KAZN: variants seen among roughly 807,000 people sequenced by gnomAD.
KAZN encodes kazrin.
In KAZN, 40 loss-of-function variants were observed where a neutral mutation model predicts 87.4. The observed-to-expected ratio is 0.46, with a 90% CI of 0.36 to 0.60. The LOEUF (loss-of-function observed/expected upper bound fraction) is 0.60, where lower values mean the gene tolerates loss of function less well. KAZN is among the 20% of genes least tolerant of loss of function. The pLI, the probability that KAZN is intolerant of heterozygous loss-of-function variation, is 0.00. For missense variants in KAZN, 898 were observed against 1,073.9 expected (o/e 0.84, Z 2.29); for synonymous variants, 466 against 458.3 (o/e 1.02, Z -0.22).
At chr1:14,084,144 G>C (rs1459103490) in intron 1 of KAZN, among the ~76,000 whole-genome samples, 1 of 152,230 alleles carries the variant, frequency 6.6e-6, no homozygotes, top group African/African-American at 2.4e-5. Flanking sequence ...CAGGGATAGT[G>C]TGGTCAGATG....
At chr1:14,896,041 C>CTTTTTTTTTTTTTTTTTTT (rs201188620) in intron 1 of KAZN, among the ~76,000 whole-genome samples, 3 of 140,718 alleles carry the variant, frequency 2.1e-5, no homozygotes, top group African/African-American at 8.3e-5. Flanking sequence ...AAAAAGACGC[C>CTTTTTTTTTTTTTTTTTTT]TTTTTTTTTT....
At chr1:14,736,034 G>A (rs1336894886) in intron 1 of KAZN, among the ~76,000 whole-genome samples, 2 of 152,110 alleles carry the variant, frequency 1.3e-5, no homozygotes, top group East Asian at 1.9e-4. Flanking sequence ...ACAGGCCGTC[G>A]GTCCACCTGC....
intron 2 of KAZN, among the ~76,000 whole-genome samples, chr1:14,202,468 G>T (rs1646659194): frequency 6.6e-6 from 1 of 152,152 alleles, no homozygotes; most frequent in African/African-American, 2.4e-5. Context: ...ATTGGAGGAG[G>T]GCTCTGTGAT....
At chr1:14,548,034 C>T (rs1195357855) in intron 2 of KAZN, among the ~76,000 whole-genome samples, 2 of 117,536 alleles carry the variant, frequency 1.7e-5, no homozygotes, top group Non-Finnish European at 3.7e-5. Context: ...AGGTGATGAG[C>T]TAAAAAAAAA....
chr1:13,980,844 T>C (rs1385701710), intron 1 of KAZN, among the ~76,000 whole-genome samples: 1 of 151,844 alleles, frequency 6.6e-6, no homozygotes, highest in Non-Finnish European at 1.5e-5. Flanking sequence ...TGATTGGCGG[T>C]TGGAGTAGCT....
At chr1:14,898,133 C>A (rs1029315651) in intron 1 of KAZN, among the ~76,000 whole-genome samples, 2 of 152,180 alleles carry the variant, frequency 1.3e-5, no homozygotes, top group African/African-American at 4.8e-5. Flanking sequence ...AAGCGAGAAT[C>A]CATTATCCAG....
At chr1:14,274,006 G>T (rs1441288497) in intron 2 of KAZN, among the ~76,000 whole-genome samples, 1 of 152,150 alleles carries the variant, frequency 6.6e-6, no homozygotes. Flanking sequence ...CATCTGGGAG[G>T]GCTGGAGGTT....
chr1:14,978,648 G>A (rs868324924), intron 2 of KAZN, among the ~76,000 whole-genome samples: 10 of 152,146 alleles, frequency 6.6e-5, no homozygotes, highest in African/African-American at 1.9e-4. Context: ...GGGCAGTTTC[G>A]TGTTGGTCAC....
chr1:14,114,097 G>A (rs1036114408), intron 1 of KAZN, among the ~76,000 whole-genome samples: 2 of 152,244 alleles, frequency 1.3e-5, no homozygotes, highest in African/African-American at 2.4e-5. Context: ...GGTGCAGTCA[G>A]CCTTTTAGAA....
chr1:14,801,598 C>T lies in KAZN; in HGVS notation c.227-159086C>T, dbSNP rs147447309. ...CTGGGCTTCCTCAGGAGGGCTATGA[C>T]GGCCTGGCCTGCTCCGACACAGACT... On this transcript the variant is annotated intron_variant, in intron 1 of 14. Coordinates refer to ENST00000376030, the MANE Select transcript of KAZN (RefSeq NM_201628.3). Among the ~76,000 whole-genome samples the T allele has an allele frequency of 1.6e-3, 247 of 152,258 alleles. 1 individual carries two copies. The highest frequency in any genetic ancestry group is 5.2e-3 in the African/African-American group (216 of 41,546).
chr1:15,058,588 T>A (rs1638505230), intron 5 of KAZN, among the ~76,000 whole-genome samples: 1 of 152,212 alleles, frequency 6.6e-6, no homozygotes, highest in South Asian at 2.1e-4. Context: ...GGACCTTCCA[T>A]TCAACCACTA....
intron 1 of KAZN, among the ~76,000 whole-genome samples, chr1:14,136,890 A>C (rs536407737): frequency 6.6e-6 from 1 of 152,132 alleles, no homozygotes; most frequent in Non-Finnish European, 1.5e-5. Context: ...AGGAGAGGTC[A>C]TCAAGCTTTC....
chr1:15,111,100 T>C (rs922360189), intron 13 of KAZN, among the ~76,000 whole-genome samples: 1 of 152,220 alleles, frequency 6.6e-6, no homozygotes, highest in South Asian at 2.1e-4. Flanking sequence ...CTCCCTGTTA[T>C]GTGGAAGCCT....
chr1:14,925,175 T>TA (rs1482688688), intron 1 of KAZN, among the ~76,000 whole-genome samples: 1 of 152,210 alleles, frequency 6.6e-6, no homozygotes, highest in East Asian at 1.9e-4. Flanking sequence ...GTTTTACTGT[T>TA]AAAGTGTTCC....
chr1:14,996,260 G>A lies in KAZN; in HGVS notation c.418+35385G>A, dbSNP rs1352600516. Among the ~76,000 whole-genome samples the A allele has an allele frequency of 2.6e-5, 4 of 152,006 alleles. No individual in the cohort carries two copies. Among genetic ancestry groups the A allele is most frequent in the Non-Finnish European group, 4.4e-5 (3 of 68,018 alleles). The stretch of plus-strand genomic sequence containing the variant: ...GTCGGCCTTTCTCTTTCTTGTTCCC[G>A]TGTGTCTCTGTCCACCCAGACCAGC... On this transcript the variant is annotated intron_variant, in intron 2 of 14. Transcript: ENST00000376030. The surrounding 1 kb of genome is among the most constrained non-coding windows in gnomAD (Gnocchi z 5.9).
intron 1 of KAZN, among the ~76,000 whole-genome samples, chr1:14,888,985 T>TC (rs1174499970): frequency 2.6e-5 from 4 of 152,338 alleles, no homozygotes; most frequent in Non-Finnish European, 5.9e-5. Context: ...ACATAAAATA[T>TC]ACTAACAATA....
At chr1:14,902,260 C>T (rs925834606) in intron 1 of KAZN, among the ~76,000 whole-genome samples, 6 of 150,828 alleles carry the variant, frequency 4.0e-5, no homozygotes, top group South Asian at 2.1e-4. Flanking sequence ...GAGTCTCGCT[C>T]TGTCACCCAG....
rs1640791543 is a variant in KAZN, at chr1:15,096,017, C to T, written c.1547+1084C>T. Among the ~76,000 whole-genome samples the T allele has an allele frequency of 6.6e-6, 1 of 152,118 alleles. No homozygotes were observed. Among genetic ancestry groups the T allele is most frequent in the Non-Finnish European group, 1.5e-5 (1 of 68,022 alleles). On this transcript the variant is annotated intron_variant, in intron 10 of 14. Coordinates refer to ENST00000376030, the MANE Select transcript of KAZN (RefSeq NM_201628.3). The surrounding 1 kb of genome is among the most constrained non-coding windows in gnomAD (Gnocchi z 4.5). Reference sequence around the variant, plus strand: ...CTGGGCTGAGGGATGGGGAGGAGGGCCATGAGGGCAACCCCTGCTGGGCTT... The same window carrying T: ...CTGGGCTGAGGGATGGGGAGGAGGGTCATGAGGGCAACCCCTGCTGGGCTT...
intron 2 of KAZN, among the ~76,000 whole-genome samples, chr1:14,220,836 T>A (rs1647080191): frequency 6.6e-6 from 1 of 152,212 alleles, no homozygotes; most frequent in South Asian, 2.1e-4. Context: ...GTCAGGTTAT[T>A]TTTTTCTGCT....
Sources: allele counts gnomAD v4.1 joint callset (sites outside exome capture counted in the v4.1 genomes callset), GRCh38; gene constraint gnomAD v4.1.1; non-coding constraint Gnocchi (gnomAD v3.1); transcripts MANE v1.5; gene names NCBI Gene and HGNC (gene_info 2026-07-23, HGNC 2026-07-21).